The following DAB1 variants were observed in gnomAD, a reference collection of about 807,000 sequenced individuals.
DAB1 encodes DAB adaptor protein 1.
Under a neutral mutation model 64.6 loss-of-function variants are expected in DAB1, and 15 were observed. The observed-to-expected ratio is 0.23, with a 90% CI of 0.16 to 0.36. DAB1 has a LOEUF of 0.36. DAB1 is among the 10% of genes least tolerant of loss of function. The pLI is 1.00. For synonymous variants in DAB1, 235 were observed against 251.9 expected, an observed-to-expected ratio of 0.93 and a Z score of 0.64; for missense variants, 596 against 706.7, an observed-to-expected ratio of 0.84 and a Z score of 1.78.
At position 57,533,671 on chromosome 1, in the gene DAB1, A is replaced by AT. The variant is rs1035772131; in HGVS notation, n.625+115920dup. ...ACCATTCAGCTTCCTTGCAGCCAAA[A>AT]TTAAAAAAAAAAAAATGCATGTATG... On this transcript the variant is annotated intron_variant and non_coding_transcript_variant, in intron 7 of 20. Transcript: ENST00000485760. Among the ~76,000 whole-genome samples the AT allele has an allele frequency of 1.1e-4, 3 of 26,516 alleles. No individual in the cohort carries two copies. In the Non-Finnish European group the frequency reaches 1.3e-3, roughly 12 times the overall value. 17.4% of individuals were successfully genotyped at this position (26,516 alleles called of 152,430 possible).
intron 6 of DAB1, among the ~76,000 whole-genome samples, chr1:57,746,870 T>A (rs1324544889): frequency 6.6e-6 from 1 of 152,122 alleles, no homozygotes; most frequent in Non-Finnish European, 1.5e-5. Flanking sequence ...GAATACCATT[T>A]TTTTTTTGTC....
At chr1:58,483,264 T>C (rs1483939670) in intron 3 of DAB1, among the ~76,000 whole-genome samples, 2 of 152,142 alleles carry the variant, frequency 1.3e-5, no homozygotes, top group East Asian at 1.9e-4. Flanking sequence ...GGCTCAAACA[T>C]ATCTGGGCAA....
chr1:57,391,984 A>T (rs523282), intron 1 of DAB1, among the ~76,000 whole-genome samples: 1 of 152,146 alleles, frequency 6.6e-6, no homozygotes, highest in African/African-American at 2.4e-5. Flanking sequence ...ACAATGTCTT[A>T]GTGATTTTTA....
chr1:57,198,690 C>G (rs1420635201), intron 2 of DAB1, among the ~76,000 whole-genome samples: 10 of 140,600 alleles, frequency 7.1e-5, no homozygotes, highest in African/African-American at 1.6e-4. Flanking sequence ...CACACACACA[C>G]CCATCAACTT....
At chr1:57,133,326 G>A (rs1193917986) in intron 4 of DAB1, among the ~76,000 whole-genome samples, 1 of 152,280 alleles carries the variant, frequency 6.6e-6, no homozygotes, top group African/African-American at 2.4e-5. Flanking sequence ...TGAATGGAGA[G>A]AGAATAGAGT....
chr1:57,525,221 G>A (rs1173359194), intron 7 of DAB1, among the ~76,000 whole-genome samples: 1 of 152,148 alleles, frequency 6.6e-6, no homozygotes, highest in Non-Finnish European at 1.5e-5. Context: ...ATGGAAGAAT[G>A]GTCATGGGAA....
chr1:58,401,964 A>T (rs1644573361), intron 3 of DAB1, among the ~76,000 whole-genome samples: 1 of 152,200 alleles, frequency 6.6e-6, no homozygotes, highest in Non-Finnish European at 1.5e-5. Flanking sequence ...TCCAAGTCCT[A>T]GGAAAAGAAA....
intron 1 of DAB1, among the ~76,000 whole-genome samples, chr1:57,837,811 T>A (rs1364401614): frequency 2.6e-5 from 1 of 38,654 alleles, no homozygotes; most frequent in Non-Finnish European, 5.2e-5. Context: ...TCCACCCCCA[T>A]CTCCACCACT....
intron 2 of DAB1, among the ~76,000 whole-genome samples, chr1:57,250,500 C>A (rs1669253227): frequency 6.6e-6 from 1 of 152,166 alleles, no homozygotes. Flanking sequence ...ATTATAAAAT[C>A]TTTAAGGGCA....
chr1:57,439,953 A>G (rs1685877680), intron 7 of DAB1, among the ~76,000 whole-genome samples: 1 of 152,076 alleles, frequency 6.6e-6, no homozygotes, highest in South Asian at 2.1e-4. Flanking sequence ...TCCCCAATTC[A>G]TCTTATGATG....
intron 5 of DAB1, among the ~76,000 whole-genome samples, chr1:58,044,362 T>C (rs945959161): frequency 3.3e-5 from 5 of 152,062 alleles, no homozygotes; most frequent in Non-Finnish European, 7.4e-5. Context: ...CCTATTCCTC[T>C]AGCCTAGGGG....
intron 4 of DAB1, among the ~76,000 whole-genome samples, chr1:58,245,243 G>T (rs1440944897): frequency 2.6e-5 from 4 of 152,158 alleles, no homozygotes; most frequent in African/African-American, 9.7e-5. Flanking sequence ...TTCAGTCACT[G>T]TACTAAAGTG....
chr1:58,145,565 A>G (rs1433719982), intron 5 of DAB1, among the ~76,000 whole-genome samples: 1 of 152,236 alleles, frequency 6.6e-6, no homozygotes, highest in Non-Finnish European at 1.5e-5. Flanking sequence ...GCATATTGCT[A>G]AATACTACAA....
intron 4 of DAB1, among the ~76,000 whole-genome samples, chr1:57,093,807 T>C (rs1653904511): frequency 6.6e-6 from 1 of 152,080 alleles, no homozygotes. Flanking sequence ...TCAGATGAGC[T>C]CAAGTGTTTA....
At chr1:57,691,951 G>C (rs1646769661) in intron 6 of DAB1, among the ~76,000 whole-genome samples, 1 of 152,050 alleles carries the variant, frequency 6.6e-6, no homozygotes, top group Non-Finnish European at 1.5e-5. Context: ...AGGCTTTCTG[G>C]GAAAGGGCTC....
chr1:58,236,506 C>G (rs1660050696), intron 4 of DAB1, among the ~76,000 whole-genome samples: 1 of 152,158 alleles, frequency 6.6e-6, no homozygotes, highest in African/African-American at 2.4e-5. Context: ...GGCAGTGTTT[C>G]CTTCAAACAA....
chr1:58,297,810 T>C (rs1662028821), intron 4 of DAB1, among the ~76,000 whole-genome samples: 1 of 152,158 alleles, frequency 6.6e-6, no homozygotes, highest in African/African-American at 2.4e-5. Flanking sequence ...TTTGTAAATA[T>C]AGTAGAAGCA....
intron 5 of DAB1, among the ~76,000 whole-genome samples, chr1:58,038,868 C>A (rs1285499848): frequency 6.6e-6 from 1 of 152,186 alleles, no homozygotes; most frequent in Non-Finnish European, 1.5e-5. Context: ...TATCAAAAGA[C>A]CAAAGATACT....
intron 7 of DAB1, among the ~76,000 whole-genome samples, chr1:57,642,570 T>C (rs1646143146): frequency 6.6e-6 from 1 of 152,180 alleles, no homozygotes; most frequent in Admixed American, 6.5e-5. Flanking sequence ...CAACTCTAGG[T>C]GTCTCTTGGA....
Sources: gnomAD v4.1 joint callset for allele counts (sites outside exome capture counted in the v4.1 genomes callset) on GRCh38, gnomAD v4.1.1 for gene constraint, MANE v1.5 for transcripts, NCBI Gene and HGNC (gene_info 2026-07-23, HGNC 2026-07-21) for gene names.